Variants in MMD2 observed in about 807,000 individuals in gnomAD.
MMD2 encodes the protein monocyte to macrophage differentiation factor 2.
Under a neutral mutation model 33.5 loss-of-function variants are expected in MMD2, and 30 were observed. That is an observed-to-expected ratio of 0.90 (90% CI 0.67 to 1.22). The LOEUF is 1.22. Among genes scored for constraint, MMD2 ranks in the 50% most tolerant of loss-of-function variants. The pLI is 0.00. For missense variants in MMD2, 364 were observed against 325.4 expected (o/e 1.12, Z -0.91); for synonymous variants, 129 against 123.0 (o/e 1.05, Z -0.32).
At chr7:4,941,912 C>G (rs911522491) in intron 1 of MMD2, among the ~76,000 whole-genome samples, 1 of 149,854 alleles carries the variant, frequency 6.7e-6, no homozygotes, top group Admixed American at 6.7e-5. Flanking sequence ...TTTAAAGATA[C>G]ATTTGTGGTG....
intron 1 of MMD2, among the ~76,000 whole-genome samples, chr7:4,930,575 C>T (rs1273014066): frequency 6.8e-6 from 1 of 146,590 alleles, no homozygotes; most frequent in African/African-American, 2.5e-5. Flanking sequence ...ACCTGGGAGG[C>T]GGAGGTTGTG....
Position 4,907,265 on chromosome 7 carries a change from A to G in MMD2, c.*131T>C. On this transcript the variant is annotated 3_prime_UTR_variant, in exon 7 of 7. Transcript: ENST00000401401. ...GAGGGATGATCTGGCTGTCACCAGA[A>G]GTCACCTTGGAGCCATCAAGAACTC... The G allele has an allele frequency of 1.2e-6, 1 of 817,080 alleles. No individual in the cohort carries two copies. Among genetic ancestry groups the G allele is most frequent in the Non-Finnish European group, 2.0e-6 (1 of 502,450 alleles). The allele number at this position is 817,080 out of a possible 1,614,324, so 50.6% of individuals were successfully genotyped here. A position where few individuals can be genotyped will look rare whatever the true frequency, so the allele number is the denominator to read the frequency against.
At chr7:4,934,380 G>A (rs542273383) in intron 1 of MMD2, among the ~76,000 whole-genome samples, 25 of 152,206 alleles carry the variant, frequency 1.6e-4, no homozygotes, top group African/African-American at 5.8e-4. Flanking sequence ...CTGGGTTACA[G>A]GTGTGAGCCA....
chr7:4,896,955 G>C, the MMD2 span, among the ~76,000 whole-genome samples: 2 of 152,034 alleles, frequency 1.3e-5, no homozygotes, highest in African/African-American at 4.8e-5. Context: ...CACCTCCCGG[G>C]TTCAAGTGAT....
rs1785880085 is a variant in MMD2 at position 4,940,555 on chromosome 7, C to G, written c.48-15023G>C. ...CAAGTTGGCCCCGGCCGTGCTAAGC[C>G]TCTCTCCCCCTCTCCGCTTGGCCCT... On this transcript the variant is annotated intron_variant, in intron 1 of 6. Coordinates refer to ENST00000401401, the MANE Select transcript of MMD2 (RefSeq NM_198403.4). The surrounding 1 kb of genome is among the most constrained non-coding windows in gnomAD (Gnocchi z 5.0). 6.6e-6 allele frequency among the ~76,000 whole-genome samples: 1 copy of G among 152,228 alleles called. No homozygotes were observed.
the MMD2 span, among the ~76,000 whole-genome samples, chr7:4,897,227 TAAAA>T: frequency 1.7e-5 from 2 of 117,152 alleles, no homozygotes; most frequent in South Asian, 5.7e-4. Flanking sequence ...GTGTTATATT[TAAAA>T]AAAAAAAAAA....
Position 4,959,139 on chromosome 7 carries a change from TCGGCGCCCGGAGCCGGAGC to T in MMD2, c.-141_-123del, listed in dbSNP as rs1786473151. ...CGCGGCGGGGGCCAAGGGGACCTGG[TCGGCGCCCGGAGCCGGAGC>T]CGGAGCCCGAGCCGGAGCTGGAGGC... On this transcript the variant is annotated 5_prime_UTR_variant, in exon 1 of 7. Transcript: ENST00000401401. 6.9e-6 allele frequency: 5 copies of T among 729,604 alleles called. No individual in the cohort carries two copies. Among genetic ancestry groups the T allele is most frequent in the Non-Finnish European group, 9.0e-6 (5 of 553,006 alleles). 45.2% of individuals were successfully genotyped at this position (729,604 alleles called of 1,614,324 possible). A position where few individuals can be genotyped will look rare whatever the true frequency, so the allele number is the denominator to read the frequency against.
chr7:4,927,675 C>A (rs1431694587), intron 1 of MMD2, among the ~76,000 whole-genome samples: 1 of 152,148 alleles, frequency 6.6e-6, no homozygotes, highest in African/African-American at 2.4e-5. Context: ...CCACTGCACT[C>A]CAGCCTGGGT....
intron 1 of MMD2, among the ~76,000 whole-genome samples, chr7:4,925,883 A>T (rs981513322): frequency 1.3e-5 from 2 of 152,096 alleles, no homozygotes; most frequent in Non-Finnish European, 2.9e-5. Context: ...GTGTGATCTC[A>T]GCTCACTGCA....
intron 1 of MMD2, among the ~76,000 whole-genome samples, chr7:4,937,651 G>A (rs944156536): frequency 2.6e-5 from 4 of 152,100 alleles, no homozygotes; most frequent in African/African-American, 2.4e-5. Context: ...TGGGACTGCA[G>A]GCATGCACCA....
intron 1 of MMD2, among the ~76,000 whole-genome samples, chr7:4,927,119 A>G (rs1414726470): frequency 1.3e-5 from 2 of 152,092 alleles, no homozygotes; most frequent in African/African-American, 2.4e-5. Flanking sequence ...AACCCACTGC[A>G]GGGGGACACT....
intron 1 of MMD2, among the ~76,000 whole-genome samples, chr7:4,935,462 A>T (rs947040854): frequency 9.9e-5 from 15 of 151,900 alleles, no homozygotes; most frequent in African/African-American, 3.6e-4. Context: ...TATTATTATT[A>T]TTTTTTTAGC....
At chr7:4,913,516 A>C (rs548949709) in intron 4 of MMD2, among the ~76,000 whole-genome samples, 1 of 152,058 alleles carries the variant, frequency 6.6e-6, no homozygotes, top group South Asian at 2.1e-4. Flanking sequence ...TCAGGAGTTC[A>C]AGACCAGCCT....
chr7:4,923,974 C>A (rs371070069), intron 2 of MMD2, among the ~76,000 whole-genome samples: 1 of 151,976 alleles, frequency 6.6e-6, no homozygotes. Flanking sequence ...GGGTGGATCA[C>A]GAGGTCAGGA....
intron 1 of MMD2, among the ~76,000 whole-genome samples, chr7:4,937,422 A>T (rs1785772600): frequency 6.6e-6 from 1 of 151,838 alleles, no homozygotes. Flanking sequence ...AAGAAAAAGA[A>T]AGAAAGAGAA....
At chr7:4,924,770 G>A (rs1467850618) in intron 2 of MMD2, among the ~76,000 whole-genome samples, 2 of 152,202 alleles carry the variant, frequency 1.3e-5, no homozygotes, top group African/African-American at 4.8e-5. Flanking sequence ...CCCGTGCAAA[G>A]GCATGGAGTC....
At chr7:4,910,590 C>A (rs112850084) in intron 5 of MMD2, among the ~76,000 whole-genome samples, 45 of 152,132 alleles carry the variant, frequency 3.0e-4, no homozygotes, top group East Asian at 5.8e-4. Context: ...CGCCTCCCCC[C>A]CTAACCCCGG....
the MMD2 span, among the ~76,000 whole-genome samples, chr7:4,898,043 C>T: frequency 6.6e-6 from 1 of 152,092 alleles, no homozygotes; most frequent in Non-Finnish European, 1.5e-5. Context: ...CGGCCTATCT[C>T]TTTCTCTTGC....
chr7:4,943,298 C>T lies in MMD2; in HGVS notation c.47+15673G>A, dbSNP rs139824550. On this transcript the variant is annotated intron_variant, in intron 1 of 6. Transcript: ENST00000401401. The stretch of plus-strand genomic sequence containing the variant: ...TACTGGGATTACAGGCATGAGCCAC[C>T]GCGCCTGGCCTTTTTTCTGTATTTT... Among the ~76,000 whole-genome samples, 154 of 152,218 alleles carry T rather than the reference C, an allele frequency of 1.0e-3. 1 individual carries two copies. Among genetic ancestry groups the T allele is most frequent in the African/African-American group, 3.4e-3 (141 of 41,560 alleles).
Sources: gnomAD v4.1 joint callset for allele counts (sites outside exome capture counted in the v4.1 genomes callset) on GRCh38, gnomAD v4.1.1 for gene constraint, Gnocchi (gnomAD v3.1) non-coding constraint, MANE v1.5 for transcripts, NCBI Gene and HGNC (gene_info 2026-07-23, HGNC 2026-07-21) for gene names.